KMT2B: variants seen among roughly 807,000 people sequenced by gnomAD.
KMT2B encodes the protein histone-lysine N-methyltransferase 2B.
KMT2B carries 22 observed loss-of-function variants against 255.3 expected under a neutral mutation model. That is an observed-to-expected ratio of 0.09 (90% CI 0.06 to 0.12). The LOEUF is 0.12. Ranked by LOEUF, KMT2B falls within the 10% of genes least tolerant of loss-of-function variation. KMT2B has a pLI of 1.00. For synonymous variants in KMT2B, 1,730 were observed against 1,498.1 expected, an observed-to-expected ratio of 1.15 and a Z score of -3.57; for missense variants, 3,149 against 3,737.0, an observed-to-expected ratio of 0.84 and a Z score of 4.10.
In KMT2B at chr19:35,725,593, C is replaced by T. The variant is rs780893387; in HGVS notation, c.3757C>T (p.His1253Tyr). The T allele has an allele frequency of 1.2e-6, 2 of 1,610,330 alleles. No homozygotes were observed. Among genetic ancestry groups the T allele is most frequent in the African/African-American group, 1.3e-5 (1 of 74,956 alleles). ...GTGCTGCCGTCGCTGCAAATTCTGC[C>T]ACGTCTGTGGACGCAAAGGTCGTGG... Reference protein sequence around the residue: ...TWCCRRCKFCHVCGRKGRGSK... With the variant: ...TWCCRRCKFCYVCGRKGRGSK... Residue 1253 changes from histidine to tyrosine, a missense_variant, in exon 12 of 37, where the codon CAC (histidine) becomes TAC (tyrosine). Around this residue, in one of 18 missense-constraint regions of KMT2B, gnomAD observed 377 missense variants for 471.0 expected, o/e 0.80. Coordinates refer to ENST00000420124, the MANE Select transcript of KMT2B (RefSeq NM_014727.3). This position sits in a 1 kb window ranked among gnomAD's most constrained non-coding sequence, Gnocchi z 4.1.
chr19:35,738,568 G>A lies in KMT2B; in HGVS notation c.*11G>A. 2 of 1,603,822 alleles carry A rather than the reference G, an allele frequency of 1.2e-6. No homozygotes were observed. The highest frequency in any genetic ancestry group is 1.7e-5 in the Admixed American group (1 of 59,324). ...CGGTTCCTTAACTGAGGCCGTGGCT[G>A]CCCACCACGACCCCTCACACCTCCT... is the stretch of plus-strand genomic sequence containing the variant. On this transcript the variant is annotated 3_prime_UTR_variant, in exon 37 of 37. Coordinates refer to ENST00000420124, the MANE Select transcript of KMT2B (RefSeq NM_014727.3). This position sits in a 1 kb window ranked among gnomAD's most constrained non-coding sequence, Gnocchi z 8.7.
chr19:35,720,616 TCCTCCACCCCCACTCTGC>T lies in KMT2B; in HGVS notation c.1278_1295del (p.Leu428_Pro433del). 2.5e-6 allele frequency: 2 copies of T among 793,366 alleles called. No individual in the cohort carries two copies. Among genetic ancestry groups the T allele is most frequent in the East Asian group, 1.1e-4 (2 of 18,064 alleles). 49.1% of individuals were successfully genotyped at this position (793,366 alleles called of 1,614,324 possible). ...CACCCCTCCCACCCCCTTCGACATC[TCCTCCACCCCCACTCTGC>T]CCTCCACCACCACCCCCAGTGTCCC... On this transcript the variant is annotated inframe_deletion, in exon 3 of 37. Coordinates refer to ENST00000420124, the MANE Select transcript of KMT2B (RefSeq NM_014727.3).
rs771527254 is a variant in KMT2B, at chr19:35,732,121, C to T, written c.5651C>T (p.Pro1884Leu). The T allele has an allele frequency of 6.3e-7, 1 of 1,592,888 alleles. No homozygotes were observed. The highest frequency in any genetic ancestry group is 1.1e-5 in the South Asian group (1 of 88,372). Residue 1884 changes from proline to leucine, a missense_variant, in exon 27 of 37, where the codon CCC (proline) becomes CTC (leucine). Physicochemically the swap from Pro to Leu is moderately conservative, Grantham distance 98. Coordinates refer to ENST00000420124, the MANE Select transcript of KMT2B (RefSeq NM_014727.3). Reference protein sequence around the residue: ...RRPLGGVSFGPLPSPGSPSSL... With the variant: ...RRPLGGVSFGLLPSPGSPSSL... Reference sequence around the variant, plus strand: ...CCCTTGGGGGGTGTCTCCTTTGGCCCCCTGCCCTCCCCTGGTGAGCACCGG... The same window carrying T: ...CCCTTGGGGGGTGTCTCCTTTGGCCTCCTGCCCTCCCCTGGTGAGCACCGG...
intron 30 of KMT2B, chr19:35,736,092 A>G (rs2146477625): frequency 6.5e-6 from 1 of 152,974 alleles, no homozygotes; most frequent in African/African-American, 2.4e-5. Flanking sequence ...CTGTACTGAA[A>G]ATACAAAAAT....
In KMT2B at chr19:35,737,513, C is replaced by A; in HGVS notation, c.7551-123C>A. The A allele has an allele frequency of 1.3e-6, 1 of 789,234 alleles. No individual in the cohort carries two copies. The highest frequency in any genetic ancestry group is 2.0e-6 in the Non-Finnish European group (1 of 505,260). 48.9% of individuals were successfully genotyped at this position (789,234 alleles called of 1,614,324 possible). On this transcript the variant is annotated intron_variant, in intron 33 of 36. Coordinates refer to ENST00000420124, the MANE Select transcript of KMT2B (RefSeq NM_014727.3). The surrounding 1 kb of genome is among the most constrained non-coding windows in gnomAD (Gnocchi z 5.3). Reference sequence around the variant, plus strand: ...CGTAGGCAACATGGCAAAACCCCATCTCTAAAATAAAAATTTAAAAAAGTT... The same window carrying A: ...CGTAGGCAACATGGCAAAACCCCATATCTAAAATAAAAATTTAAAAAAGTT...
In KMT2B at chr19:35,737,769, G is replaced by T. The variant is rs1353838803; in HGVS notation, c.7658+26G>T. On this transcript the variant is annotated intron_variant, in intron 34 of 36. Coordinates refer to ENST00000420124, the MANE Select transcript of KMT2B (RefSeq NM_014727.3). The surrounding 1 kb of genome is among the most constrained non-coding windows in gnomAD (Gnocchi z 5.3). ...GTATGGAGTGTGAGCTGGGGGGCGG[G>T]TGGTGGTCTGGAAGGGTCTTAGAGA... 1 of 1,553,756 alleles carries T rather than the reference G, an allele frequency of 6.4e-7. No individual in the cohort carries two copies.
Position 35,736,931 on chromosome 19 carries a change from C to A in KMT2B, c.7317C>A (p.Ile2439=), listed in dbSNP as rs376816294. Residue 2439 remains isoleucine, a synonymous_variant, in exon 32 of 37, where the codon ATC becomes ATA. Transcript: ENST00000420124. ...CCCCAGGGGCGTGGAGAACTCTGATCGAGAAAGTGCAAGAGGCCCGAGGGC... is the reference window on the plus strand; with the variant it reads ...CCCCAGGGGCGTGGAGAACTCTGATAGAGAAAGTGCAAGAGGCCCGAGGGC... ...ESLEGAWRTL[I]EKVQEARGHA... 3.1e-6 allele frequency: 5 copies of A among 1,613,764 alleles called. No individual in the cohort carries two copies. Among genetic ancestry groups the A allele is most frequent in the African/African-American group, 2.7e-5 (2 of 74,862 alleles).
In KMT2B at chr19:35,721,601, G is replaced by C. The variant is rs1969212657; in HGVS notation, c.2254G>C (p.Ala752Pro). 6.2e-7 allele frequency: 1 copy of C among 1,610,576 alleles called. No individual in the cohort carries two copies. Among genetic ancestry groups the C allele is most frequent in the Non-Finnish European group, 8.5e-7 (1 of 1,178,260 alleles). The change falls in exon 3 of 37, where the codon GCA becomes CCA. Residue 752 changes from alanine to proline, a missense_variant. Physicochemically the swap from Ala to Pro is conservative, Grantham distance 27. This residue lies in a region of KMT2B where 1,188 missense variants were observed against 1,106.4 expected (regional missense o/e 1.07). Coordinates refer to ENST00000420124, the MANE Select transcript of KMT2B (RefSeq NM_014727.3). ...QALQTQLLPQALPPPQPQLQP... is the reference protein window; with the variant it reads ...QALQTQLLPQPLPPPQPQLQP... ...CTTGCAAACCCAGCTCCTGCCCCAGGCACTACCGCCACCACAGCCACAGCT... is the reference window on the plus strand; with the variant it reads ...CTTGCAAACCCAGCTCCTGCCCCAGCCACTACCGCCACCACAGCCACAGCT...
In KMT2B at chr19:35,718,069, G is replaced by A. The variant is rs1599665239; in HGVS notation, c.51G>A (p.Arg17=). The A allele has an allele frequency of 2.0e-6, 2 of 987,236 alleles. No individual in the cohort carries two copies. Among genetic ancestry groups the A allele is most frequent in the Non-Finnish European group, 2.4e-6 (2 of 832,538 alleles). The allele number at this position is 987,236 out of a possible 1,614,324, so 61.2% of individuals were successfully genotyped here. A position where few individuals can be genotyped will look rare whatever the true frequency, so the allele number is the denominator to read the frequency against. ...GGSCPGPGSA[R]GRFPGRPRGA... is the part of the protein sequence containing the mutation. Reference sequence around the variant, plus strand: ...GTTGCCCCGGGCCTGGCTCCGCGCGGGGCCGCTTCCCGGGCCGGCCGCGGG... The same window carrying A: ...GTTGCCCCGGGCCTGGCTCCGCGCGAGGCCGCTTCCCGGGCCGGCCGCGGG... The change falls in exon 1 of 37, where the codon CGG becomes CGA. Residue 17 remains arginine (R), a synonymous_variant. Coordinates refer to ENST00000420124, the MANE Select transcript of KMT2B (RefSeq NM_014727.3). The surrounding 1 kb of genome is among the most constrained non-coding windows in gnomAD (Gnocchi z 5.0).
At position 35,720,493 on chromosome 19, in the gene KMT2B, A is replaced by C. The variant is rs1445344852; in HGVS notation, c.1146A>C (p.Glu382Asp). 21 of 1,551,606 alleles carry C rather than the reference A, an allele frequency of 1.4e-5. No individual in the cohort carries two copies. The highest frequency in any genetic ancestry group is 1.8e-5 in the Non-Finnish European group (21 of 1,146,980). Reference sequence around the variant, plus strand: ...AAGACAAGGAGGGAGAAGAGAAGGAAGAAAGAGCTGTAGCTGAGGAGATGA... The same window carrying C: ...AAGACAAGGAGGGAGAAGAGAAGGACGAAAGAGCTGTAGCTGAGGAGATGA... The part of the protein sequence containing the change: ...EEKDKEGEEK[E>D]ERAVAEEMMP... The change falls in exon 3 of 37, where the codon GAA (glutamate) becomes GAC (aspartate). Residue 382 changes from glutamate (E) to aspartate (D), a missense_variant. Around this residue, in one of 18 missense-constraint regions of KMT2B, gnomAD observed 1,188 missense variants for 1,106.4 expected, o/e 1.07. Coordinates refer to ENST00000420124, the MANE Select transcript of KMT2B (RefSeq NM_014727.3).
At chr19:35,728,049 G>C (rs779013609) in intron 18 of KMT2B, 49 bp from the exon 19 acceptor site, 96 of 1,561,948 alleles carry the variant, frequency 6.1e-5, no homozygotes, top group Non-Finnish European at 7.9e-5. Context: ...GCCCCTGCCA[G>C]CTCTCCTGGG....
chr19:35,722,003 C>CTT lies in KMT2B; in HGVS notation c.2457+214_2457+215dup, dbSNP rs55836857. On this transcript the variant is annotated intron_variant, in intron 3 of 36. Coordinates refer to ENST00000420124, the MANE Select transcript of KMT2B (RefSeq NM_014727.3). The stretch of plus-strand genomic sequence containing the variant: ...GTGCTAGTTCCCTGTCCCTATCTTC[C>CTT]TTTTTTTTTTTTTTTTATTTTTGAG... Among the ~76,000 whole-genome samples the CTT allele has an allele frequency of 2.9e-4, 39 of 134,674 alleles. 1 individual carries two copies. The highest frequency in any genetic ancestry group is 5.5e-4 in the Non-Finnish European group (35 of 63,684). 88.4% of individuals were successfully genotyped at this position (134,674 alleles called of 152,430 possible).
chr19:35,720,300 A>G lies in KMT2B; in HGVS notation c.953A>G (p.Gln318Arg). 1 of 1,613,396 alleles carries G rather than the reference A, an allele frequency of 6.2e-7. No homozygotes were observed. The highest frequency in any genetic ancestry group is 8.5e-7 in the Non-Finnish European group (1 of 1,179,742). The change falls in exon 3 of 37, where the codon CAA (glutamine) becomes CGA (arginine). Residue 318 changes from glutamine (Q) to arginine (R), a missense_variant. Coordinates refer to ENST00000420124, the MANE Select transcript of KMT2B (RefSeq NM_014727.3). ...VSRAKKVKMG[Q>R]LSLGLESGQG... ...AGGGCCAAAAAAGTAAAGATGGGAC[A>G]ATTGTCCTTGGGACTCGAATCAGGT...
In KMT2B at chr19:35,722,433, T is replaced by C; in HGVS notation, c.2532T>C (p.Ser844=). The C allele has an allele frequency of 1.2e-6, 2 of 1,610,382 alleles. No homozygotes were observed. Among genetic ancestry groups the C allele is most frequent in the Non-Finnish European group, 1.7e-6 (2 of 1,179,806 alleles). Residue 844 remains serine (S), a synonymous_variant, in exon 4 of 37, where the codon TCT becomes TCC. Transcript: ENST00000420124. ...TCTCCGACAGAGGCCCTGTCCGGTC[T>C]GAAGATGAGTCGGTGGAAGCTAAGA... ...KQISDRGPVR[S]EDESVEAKRE...
At chr19:35,719,745 C>G (rs1247958919) in intron 2 of KMT2B, 39 bp from the exon 3 acceptor site, 1 of 1,548,430 alleles carries the variant, frequency 6.5e-7, no homozygotes, top group East Asian at 2.3e-5. Context: ...GTGTGTAGGG[C>G]TGGCTTGATC....
In KMT2B at chr19:35,732,260, C is replaced by A; in HGVS notation, c.5711C>A (p.Pro1904Gln). Residue 1904 changes from proline to glutamine, a missense_variant, in exon 28 of 37, where the codon CCG (proline) becomes CAG (glutamine). Pro to Gln is a moderately conservative substitution (Grantham distance 76). Coordinates refer to ENST00000420124, the MANE Select transcript of KMT2B (RefSeq NM_014727.3). ...LTHHIPTVGDPDFPAPPRRSR... is the reference protein window; with the variant it reads ...LTHHIPTVGDQDFPAPPRRSR... ...CACCACATCCCCACAGTGGGAGACC[C>A]GGACTTCCCAGCTCCCCCCAGACGT... 1.2e-6 allele frequency: 2 copies of A among 1,607,020 alleles called. No homozygotes were observed. The highest frequency in any genetic ancestry group is 2.2e-5 in the East Asian group (1 of 44,532).
At chr19:35,734,514 C>T (rs1262845793) in intron 30 of KMT2B, among the ~76,000 whole-genome samples, 2 of 152,118 alleles carry the variant, frequency 1.3e-5, no homozygotes, top group Non-Finnish European at 2.9e-5. Context: ...AGGGCCAAGA[C>T]AGCGGAGCCA....
At position 35,733,186 on chromosome 19, in the gene KMT2B, C is replaced by T. The variant is rs1288487238; in HGVS notation, c.6637C>T (p.Pro2213Ser). ...GGCTGGGGAGGGTGAACCTGTCCCA[C>T]CCCCAGTGAAGCAGCCACCTTTGCC... ...KMAGEGEPVP[P>S]PVKQPPLPPT... Residue 2213 changes from proline to serine, a missense_variant, in exon 28 of 37, where the codon CCC (proline) becomes TCC (serine). Around this residue, in one of 18 missense-constraint regions of KMT2B, gnomAD observed 897 missense variants for 825.3 expected, o/e 1.09. Coordinates refer to ENST00000420124, the MANE Select transcript of KMT2B (RefSeq NM_014727.3). This position sits in a 1 kb window ranked among gnomAD's most constrained non-coding sequence, Gnocchi z 4.3. 6.5e-7 allele frequency: 1 copy of T among 1,544,024 alleles called. No homozygotes were observed. The highest frequency in any genetic ancestry group is 8.8e-7 in the Non-Finnish European group (1 of 1,137,084).
At chr19:35,736,016 G>A (rs1969902021) in intron 30 of KMT2B, 1 of 152,786 alleles carries the variant, frequency 6.5e-6, no homozygotes, top group Admixed American at 6.5e-5. Context: ...TGTAATCCCA[G>A]CACTTTGGGA....
Sources: allele counts gnomAD v4.1 joint callset (sites outside exome capture counted in the v4.1 genomes callset), GRCh38; gene constraint gnomAD v4.1.1; regional missense constraint gnomAD v4.1.1; non-coding constraint Gnocchi (gnomAD v3.1); transcripts MANE v1.5; gene names NCBI Gene and HGNC (gene_info 2026-07-23, HGNC 2026-07-21).